Variants in CCDC181 observed in about 807,000 individuals in gnomAD.
CCDC181 encodes the protein coiled-coil domain containing 181, also known as coiled-coil domain-containing protein 181.
A neutral mutation model predicts 58.7 loss-of-function variants in CCDC181; 35 were observed. The ratio of observed to expected loss-of-function variants is 0.60; its 90% confidence interval spans 0.46 to 0.79. CCDC181 has a LOEUF of 0.79. CCDC181 is among the 30% of genes least tolerant of loss of function. The pLI, the probability that CCDC181 is intolerant of heterozygous loss-of-function variation, is 0.00. For missense variants in CCDC181, 517 were observed against 583.9 expected (o/e 0.89, Z 1.18); for synonymous variants, 183 against 197.5 (o/e 0.93, Z 0.62).
chr1:169,450,662 T>C (rs529636274), intron 2 of CCDC181, among the ~76,000 whole-genome samples: 2 of 152,326 alleles, frequency 1.3e-5, no homozygotes, highest in Non-Finnish European at 2.9e-5. Context: ...TTTATATTGG[T>C]TAGATTTCTG....
At chr1:169,401,823 A>G (rs1012691017) in intron 4 of CCDC181, among the ~76,000 whole-genome samples, 47 of 152,364 alleles carry the variant, frequency 3.1e-4, no homozygotes, top group Non-Finnish European at 1.5e-4. Context: ...TGAGAGAAGA[A>G]GGCTTCAGAC....
At chr1:169,455,814 G>A (rs1198969708) in intron 2 of CCDC181, among the ~76,000 whole-genome samples, 2 of 152,002 alleles carry the variant, frequency 1.3e-5, no homozygotes, top group Non-Finnish European at 2.9e-5. Flanking sequence ...ATACATGCAG[G>A]TGTGCACTCA....
chr1:169,425,417 C>T (rs1656672645), intron 1 of CCDC181, among the ~76,000 whole-genome samples: 1 of 152,026 alleles, frequency 6.6e-6, no homozygotes, highest in Non-Finnish European at 1.5e-5. Flanking sequence ...CTAAACTATT[C>T]ATTGGACTAT....
intron 2 of CCDC181, among the ~76,000 whole-genome samples, chr1:169,438,088 T>G (rs926525466): frequency 6.6e-6 from 1 of 152,104 alleles, no homozygotes; most frequent in Non-Finnish European, 1.5e-5. Flanking sequence ...GGCTTGTAGG[T>G]GTCCTAAACC....
chr1:169,411,771 C>T (rs1261555711), intron 4 of CCDC181, among the ~76,000 whole-genome samples: 1 of 152,158 alleles, frequency 6.6e-6, no homozygotes, highest in African/African-American at 2.4e-5. Flanking sequence ...GAAACAATGA[C>T]AAAAACCACA....
chr1:169,442,615 A>G (rs941650732), intron 2 of CCDC181: 4 of 152,162 alleles, frequency 2.6e-5, no homozygotes, highest in Non-Finnish European at 4.4e-5. Flanking sequence ...ATTCATTTAT[A>G]GAACACAAAG....
At chr1:169,401,036 G>T (rs535935072) in intron 4 of CCDC181, among the ~76,000 whole-genome samples, 1 of 152,302 alleles carries the variant, frequency 6.6e-6, no homozygotes, top group South Asian at 2.1e-4. Flanking sequence ...CACTCCCACA[G>T]AGCCTCACTC....
chr1:169,397,477 T>C (rs1655114484), intron 4 of CCDC181, 86 bp from the exon 5 acceptor site: 1 of 1,192,468 alleles, frequency 8.4e-7, no homozygotes. Context: ...CAAGAATATA[T>C]TTCCTACTCT....
intron 2 of CCDC181, among the ~76,000 whole-genome samples, chr1:169,423,328 A>G (rs989722027): frequency 1.3e-5 from 2 of 151,586 alleles, no homozygotes; most frequent in Non-Finnish European, 2.9e-5. Context: ...TTTTAGCCTT[A>G]TTTGTTTCTC....
At chr1:169,441,149 A>C (rs908776667) in intron 2 of CCDC181, among the ~76,000 whole-genome samples, 2 of 152,100 alleles carry the variant, frequency 1.3e-5, no homozygotes, top group Non-Finnish European at 2.9e-5. Flanking sequence ...CATTTTAGGC[A>C]TTTCTGTACA....
chr1:169,438,198 T>G (rs1657108181), intron 2 of CCDC181, among the ~76,000 whole-genome samples: 1 of 104,018 alleles, frequency 9.6e-6, no homozygotes, highest in Non-Finnish European at 2.3e-5. Flanking sequence ...GCCTCACAAA[T>G]CCTTTTTTTT....
At chr1:169,420,344 G>A (rs1191854953) in intron 3 of CCDC181, among the ~76,000 whole-genome samples, 2 of 151,362 alleles carry the variant, frequency 1.3e-5, no homozygotes, top group African/African-American at 2.4e-5. Context: ...CACCCTTTTA[G>A]GTTCTTATCT....
chr1:169,421,836 C>A lies in CCDC181; in HGVS notation c.595G>T (p.Asp199Tyr), dbSNP rs372105150. Residue 199 changes from aspartate (D) to tyrosine (Y), a missense_variant, in exon 3 of 6, where the codon GAT becomes TAT. Physicochemically the swap from Asp to Tyr is radical, Grantham distance 160. Transcript: ENST00000367806. ...LCISNDFGQE[D>Y]VLLSLTNGSC... Reference sequence around the variant, plus strand: ...CCATTAGTAAGTGACAGGAGCACATCTTCTTGTCCAAAATCATTGGAAATA... The same window carrying A: ...CCATTAGTAAGTGACAGGAGCACATATTCTTGTCCAAAATCATTGGAAATA... 26 of 1,613,828 alleles carry A rather than the reference C, an allele frequency of 1.6e-5. No homozygotes were observed. The African/African-American group carries it at 2.9e-4, about 18-fold the overall frequency.
intron 2 of CCDC181, among the ~76,000 whole-genome samples, chr1:169,438,450 GA>G (rs1657115408): frequency 6.6e-6 from 1 of 152,130 alleles, no homozygotes. Context: ...CTTAAAAAAA[GA>G]AAATCATCCT....
chr1:169,441,955 C>G (rs887523069), intron 2 of CCDC181, among the ~76,000 whole-genome samples: 6 of 152,016 alleles, frequency 3.9e-5, no homozygotes, highest in African/African-American at 2.4e-5. Context: ...TCCCAATTAT[C>G]TGTCATCATT....
rs557650622 is a variant in CCDC181, at chr1:169,421,467, G to C, written c.964C>G (p.Gln322Glu). The change falls in exon 3 of 6, where the codon CAG becomes GAG. Residue 322 changes from glutamine (Q) to glutamate (E), a missense_variant. Coordinates refer to ENST00000367806, the MANE Select transcript of CCDC181 (RefSeq NM_001300969.2). ...GTCACTGGTGAGATATGTGCAGACT[G>C]TGTCCTGTGATTAGATTTCCCATTC... ...KGNGKSNHRTQSAHISPVTST... is the reference protein window; with the variant it reads ...KGNGKSNHRTESAHISPVTST... 1.2e-5 allele frequency: 19 copies of C among 1,614,074 alleles called. No individual in the cohort carries two copies. The East Asian group carries it at 4.2e-4, about 36-fold the overall frequency.
intron 3 of CCDC181, among the ~76,000 whole-genome samples, chr1:169,419,868 G>T (rs1557869115): frequency 6.6e-6 from 1 of 152,166 alleles, no homozygotes; most frequent in Non-Finnish European, 1.5e-5. Context: ...TAGAAAGACA[G>T]AGTATAGCAG....
In CCDC181 at chr1:169,412,813, C is replaced by G. The variant is rs1041358431; in HGVS notation, c.1215+6200G>C. Among the ~76,000 whole-genome samples the G allele has an allele frequency of 3.3e-5, 5 of 152,278 alleles. No homozygotes were observed. The South Asian group carries it at 1.0e-3, about 32-fold the overall frequency. ...TAATAAATGGTGCTGGGAAAACTGGCTAGCCATATGCAGAAAACTGAAACT... is the reference window on the plus strand; with the variant it reads ...TAATAAATGGTGCTGGGAAAACTGGGTAGCCATATGCAGAAAACTGAAACT... On this transcript the variant is annotated intron_variant, in intron 4 of 5. Transcript: ENST00000367806.
intron 5 of CCDC181, 49 bp from the exon 6 acceptor site, chr1:169,395,255 C>T (rs766760106): frequency 1.1e-5 from 16 of 1,474,012 alleles, no homozygotes; most frequent in Non-Finnish European, 1.5e-5. Context: ...CCTGAATACA[C>T]TCTTCATGCT....
Sources: gnomAD v4.1 joint callset for allele counts (sites outside exome capture counted in the v4.1 genomes callset) on GRCh38, gnomAD v4.1.1 for gene constraint, MANE v1.5 for transcripts, NCBI Gene and HGNC (gene_info 2026-07-23, HGNC 2026-07-21) for gene names.